The following KLHDC10 variants were observed in gnomAD, a reference collection of about 807,000 sequenced individuals.
KLHDC10 encodes the protein kelch domain-containing protein 10.
A neutral mutation model predicts 56.1 loss-of-function variants in KLHDC10; 24 were observed. That is an observed-to-expected ratio of 0.43 (90% confidence interval 0.31 to 0.60). The LOEUF (loss-of-function observed/expected upper bound fraction) is 0.60. Ranked by LOEUF, KLHDC10 falls within the 20% of genes least tolerant of loss-of-function variation. The pLI, the probability that KLHDC10 is intolerant of heterozygous loss-of-function variation, is 0.11. For missense variants in KLHDC10, 349 were observed against 567.0 expected, an observed-to-expected ratio of 0.62 and a Z score of 3.91; for synonymous variants, 188 against 207.1, an observed-to-expected ratio of 0.91 and a Z score of 0.79.
intron 2 of KLHDC10, among the ~76,000 whole-genome samples, chr7:130,097,634 T>G (rs1423807611): frequency 6.6e-6 from 1 of 152,114 alleles, no homozygotes; most frequent in Non-Finnish European, 1.5e-5. Context: ...AATAAGATGT[T>G]TTTACCTATT....
chr7:130,084,615 T>G (rs532817137), intron 1 of KLHDC10, among the ~76,000 whole-genome samples: 5 of 151,922 alleles, frequency 3.3e-5, no homozygotes, highest in Non-Finnish European at 7.4e-5. Flanking sequence ...CCGTCTCTAC[T>G]AAAAATAAAA....
intron 2 of KLHDC10, among the ~76,000 whole-genome samples, chr7:130,099,779 T>G (rs1795904069): frequency 1.3e-5 from 2 of 152,212 alleles, no homozygotes; most frequent in Admixed American, 1.3e-4. Context: ...TGAAGAAATT[T>G]AATTAAAGGC....
At chr7:130,100,909 A>G (rs1795920149) in intron 2 of KLHDC10, among the ~76,000 whole-genome samples, 1 of 152,118 alleles carries the variant, frequency 6.6e-6, no homozygotes, top group South Asian at 2.1e-4. Flanking sequence ...AAAATGGCAG[A>G]CTTAACATAC....
Position 130,070,816 on chromosome 7 carries a change from CG to C in KLHDC10, c.166+8del. On this transcript the variant is annotated splice_region_variant and intron_variant, in intron 1 of 9. Transcript: ENST00000335420. ...GGGCGGCCGCACCTGCCAGGTGAGT[CG>C]TGGGACAGGGTCCTGACCGCTTGCG... The C allele has an allele frequency of 7.7e-7, 1 of 1,303,232 alleles. No individual in the cohort carries two copies. The highest frequency in any genetic ancestry group is 9.8e-7 in the Non-Finnish European group (1 of 1,023,366). The allele number at this position is 1,303,232 out of a possible 1,614,324, so 80.7% of individuals were successfully genotyped here.
chr7:130,101,240 C>T (rs1355915910), intron 2 of KLHDC10, among the ~76,000 whole-genome samples: 1 of 152,106 alleles, frequency 6.6e-6, no homozygotes, highest in Non-Finnish European at 1.5e-5. Context: ...TTACATATAG[C>T]AAATGTTGAA....
At chr7:130,087,311 C>T (rs952645914) in intron 1 of KLHDC10, among the ~76,000 whole-genome samples, 24 of 152,216 alleles carry the variant, frequency 1.6e-4, no homozygotes, top group African/African-American at 5.8e-4. Flanking sequence ...GATTAATTTT[C>T]CTAATGCACA....
At chr7:130,088,647 T>G (rs1225567939) in intron 1 of KLHDC10, among the ~76,000 whole-genome samples, 1 of 150,294 alleles carries the variant, frequency 6.7e-6, no homozygotes, top group Non-Finnish European at 1.5e-5. Context: ...CTTTCTTTCT[T>G]TCTTTTTTTT....
At chr7:130,077,012 C>T (rs567614655) in intron 1 of KLHDC10, among the ~76,000 whole-genome samples, 6 of 152,018 alleles carry the variant, frequency 3.9e-5, no homozygotes, top group Non-Finnish European at 8.8e-5. Flanking sequence ...TAATTGACAT[C>T]GTTTTGAGGT....
At chr7:130,075,953 G>A (rs951980382) in intron 1 of KLHDC10, among the ~76,000 whole-genome samples, 2 of 152,086 alleles carry the variant, frequency 1.3e-5, no homozygotes, top group East Asian at 1.9e-4. Flanking sequence ...TTTCTATTGG[G>A]ATGGTTCATA....
intron 6 of KLHDC10, among the ~76,000 whole-genome samples, chr7:130,125,612 C>T (rs1235445121): frequency 6.6e-6 from 1 of 151,972 alleles, no homozygotes; most frequent in Admixed American, 6.6e-5. Context: ...TAATGTTTTC[C>T]CTTGTATTTG....
chr7:130,107,863 A>AAAAAAAAAAAAAAAAAAAAAT (rs1796032907), intron 2 of KLHDC10, among the ~76,000 whole-genome samples: 1 of 144,500 alleles, frequency 6.9e-6, no homozygotes, highest in Non-Finnish European at 1.5e-5. Context: ...AAAAAAAAAA[A>AAAAAAAAAAAAAAAAAAAAAT]AAAAGAGCCG....
chr7:130,078,875 T>C (rs541476839), intron 1 of KLHDC10, among the ~76,000 whole-genome samples: 1 of 152,318 alleles, frequency 6.6e-6, no homozygotes, highest in South Asian at 2.1e-4. Flanking sequence ...TCGCTAGTAC[T>C]TTCCAAAAAT....
intron 5 of KLHDC10, among the ~76,000 whole-genome samples, chr7:130,122,411 A>AT (rs910462091): frequency 6.6e-6 from 1 of 152,128 alleles, no homozygotes; most frequent in African/African-American, 2.4e-5. Flanking sequence ...AAACTACAGA[A>AT]TTTTTTTCCA....
At chr7:130,085,349 A>G (rs1347673383) in intron 1 of KLHDC10, among the ~76,000 whole-genome samples, 2 of 151,840 alleles carry the variant, frequency 1.3e-5, no homozygotes, top group Admixed American at 6.6e-5. Context: ...AAAAAAAAAA[A>G]AGAATATTTT....
intron 2 of KLHDC10, among the ~76,000 whole-genome samples, chr7:130,100,998 TAA>T (rs374205614): frequency 8.3e-6 from 1 of 120,918 alleles, no homozygotes; most frequent in African/African-American, 2.9e-5. Context: ...TCATTGTAAT[TAA>T]AAAAAAAAAA....
intron 2 of KLHDC10, among the ~76,000 whole-genome samples, chr7:130,102,918 A>AT (rs1335391831): frequency 6.6e-6 from 1 of 152,210 alleles, no homozygotes; most frequent in Non-Finnish European, 1.5e-5. Flanking sequence ...GATTGCTGAA[A>AT]TTAAAACTCA....
intron 1 of KLHDC10, among the ~76,000 whole-genome samples, chr7:130,090,107 C>T (rs1179052397): frequency 6.6e-6 from 1 of 152,096 alleles, no homozygotes; most frequent in Non-Finnish European, 1.5e-5. Flanking sequence ...TCTCGAACTC[C>T]TGACCTCAGG....
intron 6 of KLHDC10, among the ~76,000 whole-genome samples, chr7:130,125,447 G>T (rs1485602888): frequency 1.3e-5 from 2 of 152,152 alleles, no homozygotes; most frequent in African/African-American, 2.4e-5. Context: ...GGAGGCTGAG[G>T]CAGGAGAATT....
At chr7:130,073,116 C>G (rs1245990218) in intron 1 of KLHDC10, among the ~76,000 whole-genome samples, 2 of 151,606 alleles carry the variant, frequency 1.3e-5, no homozygotes, top group Non-Finnish European at 2.9e-5. Context: ...CATCTGTAAC[C>G]CCAGCACTTT....
Sources: gnomAD v4.1 joint callset for allele counts (sites outside exome capture counted in the v4.1 genomes callset) on GRCh38, gnomAD v4.1.1 for gene constraint, MANE v1.5 for transcripts, NCBI Gene and HGNC (gene_info 2026-07-23, HGNC 2026-07-21) for gene names.